The following IQGAP3 variants were observed in gnomAD, a reference collection of about 807,000 sequenced individuals.
IQGAP3 encodes the protein IQ motif containing GTPase activating protein 3, also known as ras GTPase-activating-like protein IQGAP3.
In IQGAP3, 165 loss-of-function variants were observed where a neutral mutation model predicts 208.2. That is an observed-to-expected ratio of 0.79 (90% CI 0.70 to 0.90). The LOEUF (loss-of-function observed/expected upper bound fraction) is 0.90, where lower values mean the gene tolerates loss of function less well. Ranked by LOEUF, IQGAP3 falls within the 40% of genes least tolerant of loss-of-function variation. The pLI, the probability that IQGAP3 is intolerant of heterozygous loss-of-function variation, is 0.00. For synonymous variants in IQGAP3, 703 were observed against 803.6 expected, an observed-to-expected ratio of 0.87 and a Z score of 2.12; for missense variants, 1,811 against 2,043.1, an observed-to-expected ratio of 0.89 and a Z score of 2.19.
At position 156,570,114 on chromosome 1, in the gene IQGAP3, T is replaced by C. The variant is rs187122925; in HGVS notation, c.38-651A>G. On this transcript the variant is annotated intron_variant, in intron 1 of 37. Coordinates refer to ENST00000361170, the MANE Select transcript of IQGAP3 (RefSeq NM_178229.5). ...CTGAGTTCTCCAAGAACTGGACCTG[T>C]GTCATCCTCGTTGGTTACTCTCTCA... Among the ~76,000 whole-genome samples, 4 of 152,344 alleles carry C rather than the reference T, an allele frequency of 2.6e-5. No individual in the cohort carries two copies. In the East Asian group the frequency reaches 5.8e-4, roughly 22 times the overall value.
intron 26 of IQGAP3, 50 bp from the exon 27 acceptor site, chr1:156,537,371 T>C (rs1213167567): frequency 6.4e-7 from 1 of 1,551,016 alleles, no homozygotes; most frequent in Non-Finnish European, 8.7e-7. Context: ...TCCAATGGCC[T>C]CCTTCCCCAA....
rs560555641 is a variant in IQGAP3, at chr1:156,533,660, G to A, written c.3976+113C>T. 68 of 778,906 alleles carry A rather than the reference G, an allele frequency of 8.7e-5. No individual in the cohort carries two copies. The African/African-American group carries it at 1.1e-3, about 12-fold the overall frequency. The allele number at this position is 778,906 out of a possible 1,614,324, so 48.2% of individuals were successfully genotyped here. On this transcript the variant is annotated intron_variant, in intron 31 of 37. Transcript: ENST00000361170. ...CCAGAGGGAGAGTATGGAACTAGCC[G>A]CCTGGCACAAGACCTAGGCTGCATG...
chr1:156,539,125 T>G, intron 25 of IQGAP3, 92 bp from the exon 26 acceptor site: 1 of 1,106,252 alleles, frequency 9.0e-7, no homozygotes, highest in South Asian at 1.3e-5. Context: ...TCTCAAAGCC[T>G]GCCCTGGTGT....
rs550116730 is a variant in IQGAP3, at chr1:156,548,113, T to C, written c.2264A>G (p.His755Arg). The stretch of plus-strand genomic sequence containing the variant: ...TGCTGGGAGCCAGGTCCTCAGAAAG[T>C]GGGAATGCTCAGCAAACTTCTGCCG... ...LVRQKFAEHS[H>R]FLRTWLPAVI... The change falls in exon 19 of 38, where the codon CAC becomes CGC. Residue 755 changes from histidine (H) to arginine (R), a missense_variant. His to Arg is a conservative substitution (Grantham distance 29). Transcript: ENST00000361170. 15 of 1,613,566 alleles carry C rather than the reference T, an allele frequency of 9.3e-6. No homozygotes were observed. In the Middle Eastern group the frequency reaches 9.9e-4, roughly 106 times the overall value.
intron 16 of IQGAP3, 151 bp downstream of exon 16, chr1:156,550,110 C>T (rs796568742): frequency 1.3e-5 from 8 of 617,320 alleles, no homozygotes; most frequent in Admixed American, 2.6e-5. Flanking sequence ...GCAGTCTGAA[C>T]AGCAGCCCTC....
At chr1:156,548,525 A>G in intron 17 of IQGAP3, 38 bp from the exon 18 acceptor site, 1 of 1,603,850 alleles carries the variant, frequency 6.2e-7, no homozygotes, top group Non-Finnish European at 8.5e-7. Flanking sequence ...GGTTCAGAGC[A>G]GGCAAGGGGT....
intron 2 of IQGAP3, 142 bp from the exon 3 acceptor site, chr1:156,566,688 T>C (rs947664): frequency 0.99 from 747,402 of 756,046 alleles, 369,940 homozygotes; most frequent in East Asian, 1. Context: ...TCCAACTCCC[T>C]TCTCTGCCCA....
chr1:156,537,717 G>A (rs932620256), intron 26 of IQGAP3, among the ~76,000 whole-genome samples: 1 of 152,164 alleles, frequency 6.6e-6, no homozygotes, highest in Non-Finnish European at 1.5e-5. Flanking sequence ...GCAGCCACCA[G>A]GATTGCCTGC....
intron 16 of IQGAP3, among the ~76,000 whole-genome samples, chr1:156,549,016 G>A (rs1186888145): frequency 1.3e-5 from 2 of 152,182 alleles, no homozygotes; most frequent in Non-Finnish European, 2.9e-5. Context: ...TTGATAAAAG[G>A]AAAATCAGCT....
At chr1:156,571,934 G>A (rs1318980873) in intron 1 of IQGAP3, among the ~76,000 whole-genome samples, 1 of 152,148 alleles carries the variant, frequency 6.6e-6, no homozygotes, top group Non-Finnish European at 1.5e-5. Context: ...ACAATCACCT[G>A]GGGTGAGGGA....
chr1:156,568,997 T>G (rs1240425658), intron 2 of IQGAP3, among the ~76,000 whole-genome samples: 3 of 152,128 alleles, frequency 2.0e-5, no homozygotes, highest in Non-Finnish European at 4.4e-5. Flanking sequence ...GCAGATGTAA[T>G]TAGTGAGCTT....
rs538269809 is a variant in IQGAP3, at chr1:156,545,243, TAGG to T, written c.2305-774_2305-772del. 7.9e-5 allele frequency among the ~76,000 whole-genome samples: 12 copies of T among 152,246 alleles called. No homozygotes were observed. In the South Asian group the frequency reaches 2.5e-3, roughly 32 times the overall value. On this transcript the variant is annotated intron_variant, in intron 19 of 37. Transcript: ENST00000361170. Reference sequence around the variant, plus strand: ...CCCTCTTCCAATCCAGTCTCCTTCCTAGGAGACTTTTCCCTTTCCCTCCAAGCT... The same window carrying T: ...CCCTCTTCCAATCCAGTCTCCTTCCTAGACTTTTCCCTTTCCCTCCAAGCT...
Position 156,526,373 on chromosome 1 carries a change from G to T in IQGAP3, c.*113C>A. ...GCTGGGGAAGGGGTGAGAATCCCTG[G>T]GCCTTGCCCAGTCCTGAGCTCTAGG... On this transcript the variant is annotated 3_prime_UTR_variant, in exon 38 of 38. Transcript: ENST00000361170. The T allele has an allele frequency of 2.8e-6, 2 of 722,108 alleles. No individual in the cohort carries two copies. The highest frequency in any genetic ancestry group is 4.9e-6 in the Non-Finnish European group (2 of 407,660). 44.7% of individuals were successfully genotyped at this position (722,108 alleles called of 1,614,324 possible).
intron 14 of IQGAP3, 30 bp from the exon 15 acceptor site, chr1:156,551,898 G>A (rs1042379292): frequency 1.9e-6 from 3 of 1,597,142 alleles, no homozygotes; most frequent in Non-Finnish European, 2.6e-6. Context: ...GTGGGCAGGG[G>A]GCCCCTAGAC....
intron 22 of IQGAP3, among the ~76,000 whole-genome samples, chr1:156,542,770 A>T (rs1007620255): frequency 6.6e-6 from 1 of 152,060 alleles, no homozygotes; most frequent in Non-Finnish European, 1.5e-5. Flanking sequence ...GGAGACCCCC[A>T]TCTCTACAAA....
chr1:156,569,741 G>C lies in IQGAP3; in HGVS notation c.38-278C>G, dbSNP rs545443141. Reference sequence around the variant, plus strand: ...TCACCATGTTAGCCAGGATGGTCTTGATCTCCTGACCTCGTGATCCGCCCG... The same window carrying C: ...TCACCATGTTAGCCAGGATGGTCTTCATCTCCTGACCTCGTGATCCGCCCG... On this transcript the variant is annotated intron_variant, in intron 1 of 37. Coordinates refer to ENST00000361170, the MANE Select transcript of IQGAP3 (RefSeq NM_178229.5). Among the ~76,000 whole-genome samples the C allele has an allele frequency of 1.4e-3, 215 of 152,046 alleles. 1 individual carries two copies. The highest frequency in any genetic ancestry group is 4.8e-3 in the African/African-American group (198 of 41,480).
Position 156,563,264 on chromosome 1 carries a change from A to G in IQGAP3, c.668T>C (p.Val223Ala). ...AINEAVERGV[V>A]EDTLAALQNP... ...CTGCAAGGCAGCCAGGGTGTCCTCC[A>G]CCACCCCTCGCTCCACTGCTTCATT... The change falls in exon 8 of 38, where the codon GTG becomes GCG. Residue 223 changes from valine (V) to alanine (A), a missense_variant. Transcript: ENST00000361170. 1 of 1,611,552 alleles carries G rather than the reference A, an allele frequency of 6.2e-7. No homozygotes were observed. Among genetic ancestry groups the G allele is most frequent in the Non-Finnish European group, 8.5e-7 (1 of 1,178,082 alleles).
chr1:156,542,212 CAG>C (rs1675020050), intron 22 of IQGAP3, among the ~76,000 whole-genome samples: 1 of 152,266 alleles, frequency 6.6e-6, no homozygotes, highest in East Asian at 1.9e-4. Context: ...TATTTTTAGA[CAG>C]AGTCTCGCTC....
chr1:156,557,305 C>T (rs1571351121), intron 11 of IQGAP3, among the ~76,000 whole-genome samples: 1 of 8,152 alleles, frequency 1.2e-4, no homozygotes, highest in African/African-American at 1.4e-4. Context: ...GGTCAGCCCC[C>T]CGCCCGGCCA....
Sources: gnomAD v4.1 joint callset for allele counts (sites outside exome capture counted in the v4.1 genomes callset) on GRCh38, gnomAD v4.1.1 for gene constraint, MANE v1.5 for transcripts, NCBI Gene and HGNC (gene_info 2026-07-23, HGNC 2026-07-21) for gene names.